RPS6KC1: variants seen among roughly 807,000 people sequenced by gnomAD.
RPS6KC1 encodes the protein ribosomal protein S6 kinase C1.
RPS6KC1 carries 54 observed loss-of-function variants against 103.8 expected under a neutral mutation model. The observed-to-expected ratio is 0.52, with a 90% CI of 0.42 to 0.65. The LOEUF (loss-of-function observed/expected upper bound fraction) is 0.65, where lower values mean the gene tolerates loss of function less well. Ranked by LOEUF, RPS6KC1 falls within the 30% of genes least tolerant of loss-of-function variation. The pLI is 0.00. For missense variants in RPS6KC1, 1,151 were observed against 1,253.8 expected, an observed-to-expected ratio of 0.92 and a Z score of 1.24; for synonymous variants, 439 against 438.7, an observed-to-expected ratio of 1.00 and a Z score of -0.01.
chr1:213,278,318 A>G (rs752488146), downstream of RPS6KC1, among the ~76,000 whole-genome samples: 41 of 152,182 alleles, frequency 2.7e-4, no homozygotes, highest in Admixed American at 1.5e-3. Context: ...GAAGAATTGG[A>G]GCCTGTTTCA....
At chr1:213,076,765 G>C (rs1446769057) in intron 2 of RPS6KC1, among the ~76,000 whole-genome samples, 2 of 152,068 alleles carry the variant, frequency 1.3e-5, no homozygotes, top group South Asian at 2.1e-4. Flanking sequence ...TCAGGATTCA[G>C]CTTGCCTGCA....
At chr1:213,115,540 T>C (rs1457930686) in intron 4 of RPS6KC1, among the ~76,000 whole-genome samples, 1 of 152,192 alleles carries the variant, frequency 6.6e-6, no homozygotes, top group East Asian at 1.9e-4. Context: ...GGGTTTTTTG[T>C]ATCTCTATTT....
chr1:213,136,747 C>G (rs555960703), intron 6 of RPS6KC1, among the ~76,000 whole-genome samples: 1 of 152,278 alleles, frequency 6.6e-6, no homozygotes, highest in African/African-American at 2.4e-5. Flanking sequence ...ATGTGACTGG[C>G]ATCCAGATCA....
chr1:213,861,147 AT>A, the RPS6KC1 span, among the ~76,000 whole-genome samples: 2 of 152,112 alleles, frequency 1.3e-5, no homozygotes, highest in Non-Finnish European at 2.9e-5. Flanking sequence ...GAGGGAAGCT[AT>A]TTAGGTTTCA....
chr1:213,614,132 T>C, the RPS6KC1 span, among the ~76,000 whole-genome samples: 2 of 152,164 alleles, frequency 1.3e-5, no homozygotes, highest in African/African-American at 4.8e-5. Context: ...GCAGCTACAA[T>C]AGTAGCTGAG....
intron 3 of RPS6KC1, among the ~76,000 whole-genome samples, chr1:213,078,795 A>AT (rs1271122323): frequency 1.3e-5 from 2 of 152,056 alleles, no homozygotes; most frequent in Non-Finnish European, 2.9e-5. Flanking sequence ...AAACTAGACA[A>AT]TTTTTTTTCA....
the RPS6KC1 span, among the ~76,000 whole-genome samples, chr1:213,859,466 A>G: frequency 1.3e-5 from 2 of 152,210 alleles, no homozygotes; most frequent in Non-Finnish European, 1.5e-5. Flanking sequence ...AAAGAGCCAG[A>G]TATTTTCAGT....
intron 2 of RPS6KC1, among the ~76,000 whole-genome samples, chr1:213,075,454 T>C (rs1012957079): frequency 3.3e-5 from 5 of 152,202 alleles, no homozygotes; most frequent in Admixed American, 3.3e-4. Flanking sequence ...TCCTGAGTGA[T>C]TACTGCCTAT....
chr1:213,143,446 T>C (rs913438197), intron 6 of RPS6KC1, among the ~76,000 whole-genome samples: 1 of 152,034 alleles, frequency 6.6e-6, no homozygotes, highest in African/African-American at 2.4e-5. Context: ...CTGTGTTTTC[T>C]ATTTTATAGA....
chr1:213,731,414 C>A, the RPS6KC1 span: 1 of 151,972 alleles, frequency 6.6e-6, no homozygotes, highest in Admixed American at 6.6e-5. Flanking sequence ...GTCATCTCTG[C>A]AGCAGGACCT....
intron 8 of RPS6KC1, among the ~76,000 whole-genome samples, chr1:213,191,652 C>G (rs2092748741): frequency 6.6e-6 from 1 of 152,006 alleles, no homozygotes; most frequent in South Asian, 2.1e-4. Context: ...TCTGATTGCT[C>G]TAGCAAAGAC....
the RPS6KC1 span, among the ~76,000 whole-genome samples, chr1:213,522,485 T>G: frequency 1.3e-5 from 2 of 152,216 alleles, no homozygotes; most frequent in African/African-American, 4.8e-5. Flanking sequence ...AGAGTCAGCC[T>G]GTGTTTTGAA....
At chr1:213,633,280 G>A in the RPS6KC1 span, among the ~76,000 whole-genome samples, 1 of 152,136 alleles carries the variant, frequency 6.6e-6, no homozygotes, top group Non-Finnish European at 1.5e-5. Context: ...AGGAAAAAAT[G>A]TTAAGGACAG....
At chr1:213,232,095 TAC>T (rs1374310317) in intron 9 of RPS6KC1, 26 bp from the exon 10 acceptor site, 21 of 1,611,826 alleles carry the variant, frequency 1.3e-5, no homozygotes, top group Non-Finnish European at 1.6e-5. Context: ...CAACTGAGGA[TAC>T]AACTGACCTT....
intron 1 of RPS6KC1, among the ~76,000 whole-genome samples, chr1:213,069,486 A>G: frequency 6.6e-6 from 1 of 152,184 alleles, no homozygotes; most frequent in East Asian, 1.9e-4. Context: ...TCAAACCTGT[A>G]AGAGGAACTG....
the RPS6KC1 span, among the ~76,000 whole-genome samples, chr1:213,563,083 A>G: frequency 1.4e-3 from 212 of 152,238 alleles, 1 homozygote; most frequent in African/African-American, 4.7e-3. Context: ...ATCTGTCACC[A>G]TATTGCTGGA....
At chr1:213,091,126 C>T (rs958579484) in intron 3 of RPS6KC1, among the ~76,000 whole-genome samples, 3 of 151,488 alleles carry the variant, frequency 2.0e-5, no homozygotes, top group African/African-American at 7.3e-5. Flanking sequence ...GGCGTGATCT[C>T]GGCTTACTGC....
chr1:213,182,021 G>T (rs1212345534), intron 8 of RPS6KC1, among the ~76,000 whole-genome samples: 1 of 152,150 alleles, frequency 6.6e-6, no homozygotes. Context: ...CTAAGTTTAT[G>T]CAGAGAAAAT....
the RPS6KC1 span, among the ~76,000 whole-genome samples, chr1:213,526,517 C>T: frequency 6.6e-6 from 1 of 152,184 alleles, no homozygotes; most frequent in African/African-American, 2.4e-5. Flanking sequence ...GAATTTTGCC[C>T]AGCAAGTATA....
Sources: gnomAD v4.1 joint callset for allele counts (sites outside exome capture counted in the v4.1 genomes callset) on GRCh38, gnomAD v4.1.1 for gene constraint, MANE v1.5 for transcripts, NCBI Gene and HGNC (gene_info 2026-07-23, HGNC 2026-07-21) for gene names.